The following XPO4 variants were observed in gnomAD, a reference collection of about 807,000 sequenced individuals.
XPO4 encodes exportin-4.
A neutral mutation model predicts 143.0 loss-of-function variants in XPO4; 39 were observed. The observed-to-expected ratio is 0.27, with a 90% CI of 0.21 to 0.36. XPO4 has a LOEUF of 0.36. XPO4 is among the 10% of genes least tolerant of loss of function. The pLI, the probability that XPO4 is intolerant of heterozygous loss-of-function variation, is 1.00. For synonymous variants in XPO4, 439 were observed against 474.0 expected (o/e 0.93, Z 0.96); for missense variants, 907 against 1,348.0 (o/e 0.67, Z 5.12).
intron 22 of XPO4, among the ~76,000 whole-genome samples, chr13:20,786,307 G>A (rs202202872): frequency 2.0e-5 from 3 of 147,006 alleles, no homozygotes; most frequent in African/African-American, 5.0e-5. Context: ...ACGTGTGTGT[G>A]TATATATATA....
At chr13:20,860,480 T>C (rs917059726) in intron 3 of XPO4, among the ~76,000 whole-genome samples, 2 of 152,178 alleles carry the variant, frequency 1.3e-5, no homozygotes, top group Admixed American at 6.5e-5. Flanking sequence ...AAAACACGTA[T>C]CTCTTCCATG....
intron 1 of XPO4, among the ~76,000 whole-genome samples, chr13:20,886,105 T>A (rs35548666): frequency 6.6e-6 from 1 of 152,194 alleles, no homozygotes; most frequent in African/African-American, 2.4e-5. Flanking sequence ...ACATTGCACC[T>A]TTAAGTGAAT....
rs972393753 is a variant in XPO4 at position 20,783,520 on chromosome 13, AT to A, written c.*201del. 2 of 599,536 alleles carry A rather than the reference AT, an allele frequency of 3.3e-6. No homozygotes were observed. Among genetic ancestry groups the A allele is most frequent in the Non-Finnish European group, 5.9e-6 (2 of 337,996 alleles). The allele number at this position is 599,536 out of a possible 1,614,324, so 37.1% of individuals were successfully genotyped here. ...AATCTAAAAGACATATATATGACAG[AT>A]TGTGGCTAACACTTAACAGCAGAAG... On this transcript the variant is annotated 3_prime_UTR_variant, in exon 23 of 23. Coordinates refer to ENST00000255305, the MANE Select transcript of XPO4 (RefSeq NM_022459.5).
intron 16 of XPO4, among the ~76,000 whole-genome samples, chr13:20,798,387 A>G (rs2059385867): frequency 6.6e-6 from 1 of 152,170 alleles, no homozygotes; most frequent in African/African-American, 2.4e-5. Flanking sequence ...CTTCAGAAAG[A>G]ACAAATCCCA....
intron 3 of XPO4, among the ~76,000 whole-genome samples, chr13:20,859,115 T>G (rs146328980): frequency 1.3e-5 from 2 of 151,472 alleles, no homozygotes; most frequent in East Asian, 3.9e-4. Flanking sequence ...GAGGACTGTT[T>G]GAGCTCAGGA....
intron 2 of XPO4, among the ~76,000 whole-genome samples, chr13:20,868,022 C>A (rs1261271206): frequency 1.3e-5 from 2 of 152,050 alleles, no homozygotes; most frequent in Admixed American, 1.3e-4. Flanking sequence ...TAGAAGAAAT[C>A]TTTTCTGTAC....
At chr13:20,879,216 A>T (rs929855062) in intron 1 of XPO4, 17 of 985,398 alleles carry the variant, frequency 1.7e-5, no homozygotes, top group Middle Eastern at 5.2e-4. Context: ...ATCTAACAAG[A>T]TATCCCTCCA....
rs747380212 is a variant in XPO4, at chr13:20,837,496, G to A, written c.727+5399C>T. ...TCTCAGCTCACTGCCACCTCTGACCGCCGGGTTCAAGCACTTCTCCTGCCT... is the reference window on the plus strand; with the variant it reads ...TCTCAGCTCACTGCCACCTCTGACCACCGGGTTCAAGCACTTCTCCTGCCT... On this transcript the variant is annotated intron_variant, in intron 6 of 22. Coordinates refer to ENST00000255305, the MANE Select transcript of XPO4 (RefSeq NM_022459.5). Among the ~76,000 whole-genome samples, 13 of 151,764 alleles carry A rather than the reference G, an allele frequency of 8.6e-5. No individual in the cohort carries two copies. The South Asian group carries it at 1.2e-3, about 15-fold the overall frequency.
chr13:20,829,035 C>T lies in XPO4; in HGVS notation c.728-1856G>A, dbSNP rs1595104627. Reference sequence around the variant, plus strand: ...GTATCTTTGAAATTTTCCACAATAACGGGATGCCAAAGGCTATAGTATATG... The same window carrying T: ...GTATCTTTGAAATTTTCCACAATAATGGGATGCCAAAGGCTATAGTATATG... On this transcript the variant is annotated intron_variant, in intron 6 of 22. Coordinates refer to ENST00000255305, the MANE Select transcript of XPO4 (RefSeq NM_022459.5). Among the ~76,000 whole-genome samples, 3 of 152,142 alleles carry T rather than the reference C, an allele frequency of 2.0e-5. No individual in the cohort carries two copies. The South Asian group carries it at 6.2e-4, about 32-fold the overall frequency.
intron 1 of XPO4, among the ~76,000 whole-genome samples, chr13:20,901,883 C>A (rs910335996): frequency 6.6e-6 from 1 of 152,208 alleles, no homozygotes; most frequent in African/African-American, 2.4e-5. Flanking sequence ...CAAATAGAAA[C>A]ACTGTTTACT....
At position 20,822,070 on chromosome 13, in the gene XPO4, T is replaced by G; in HGVS notation, c.998+62A>C. ...AAAAAATAACTAGTTTCTTTTTTTCTTCTACTGTTAAACACAAAACGTAGA... is the reference window on the plus strand; with the variant it reads ...AAAAAATAACTAGTTTCTTTTTTTCGTCTACTGTTAAACACAAAACGTAGA... On this transcript the variant is annotated intron_variant, in intron 8 of 22. Coordinates refer to ENST00000255305, the MANE Select transcript of XPO4 (RefSeq NM_022459.5). 3.3e-6 allele frequency: 5 copies of G among 1,520,572 alleles called. No individual in the cohort carries two copies. The South Asian group carries it at 6.8e-5, about 21-fold the overall frequency. The allele number at this position is 1,520,572 out of a possible 1,614,324, so 94.2% of individuals were successfully genotyped here. A position where few individuals can be genotyped will look rare whatever the true frequency, so the allele number is the denominator to read the frequency against.
chr13:20,871,915 G>A (rs557399430), intron 1 of XPO4, among the ~76,000 whole-genome samples: 5 of 152,068 alleles, frequency 3.3e-5, no homozygotes, highest in African/African-American at 1.2e-4. Flanking sequence ...TTAACCACCT[G>A]GTTAAATATT....
chr13:20,825,047 C>T (rs1266154354), intron 7 of XPO4, among the ~76,000 whole-genome samples: 1 of 151,980 alleles, frequency 6.6e-6, no homozygotes, highest in Non-Finnish European at 1.5e-5. Flanking sequence ...AAGTTGAGAA[C>T]TAAGATAGGA....
At chr13:20,819,737 T>G (rs906302444) in intron 9 of XPO4, among the ~76,000 whole-genome samples, 1 of 152,218 alleles carries the variant, frequency 6.6e-6, no homozygotes, top group African/African-American at 2.4e-5. Flanking sequence ...CTACAATTAC[T>G]GGGTGCCCAA....
chr13:20,837,591 G>T (rs2059930925), intron 6 of XPO4, among the ~76,000 whole-genome samples: 1 of 151,994 alleles, frequency 6.6e-6, no homozygotes, highest in African/African-American at 2.4e-5. Flanking sequence ...AAGAGATGGG[G>T]TGTATTGGTC....
intron 2 of XPO4, chr13:20,868,385 AG>A (rs1383487253): frequency 5.9e-6 from 4 of 674,890 alleles, no homozygotes; most frequent in Admixed American, 7.7e-5. Flanking sequence ...CACTATATCT[AG>A]GGGGGAAAAA....
At chr13:20,823,065 G>T (rs553683671) in intron 7 of XPO4, among the ~76,000 whole-genome samples, 1 of 152,074 alleles carries the variant, frequency 6.6e-6, no homozygotes, top group Non-Finnish European at 1.5e-5. Context: ...TCTGTAATCT[G>T]ACATATTAGA....
intron 9 of XPO4, among the ~76,000 whole-genome samples, chr13:20,821,457 T>C (rs1200333945): frequency 3.3e-5 from 5 of 152,218 alleles, no homozygotes; most frequent in Admixed American, 3.3e-4. Context: ...CCATCTCTTA[T>C]ATTTGGGTAC....
intron 3 of XPO4, among the ~76,000 whole-genome samples, chr13:20,861,777 C>CTCTCTTTTTTTTTTTTTTTTT (rs1370810623): frequency 1.4e-5 from 1 of 73,394 alleles, no homozygotes; most frequent in African/African-American, 4.8e-5. Flanking sequence ...ACATTTCTCT[C>CTCTCTTTTTTTTTTTTTTTTT]TTTTTTTTTT....
Sources: gnomAD v4.1 joint callset for allele counts (sites outside exome capture counted in the v4.1 genomes callset) on GRCh38, gnomAD v4.1.1 for gene constraint, MANE v1.5 for transcripts, NCBI Gene and HGNC (gene_info 2026-07-23, HGNC 2026-07-21) for gene names.